The following SMYD3 variants were observed in gnomAD, a reference collection of about 807,000 sequenced individuals.
The protein encoded by SMYD3 is histone-lysine N-methyltransferase SMYD3.
SMYD3 carries 36 observed loss-of-function variants against 57.7 expected under a neutral mutation model. The observed-to-expected ratio is 0.62, with a 90% CI of 0.48 to 0.82. The LOEUF is 0.82. SMYD3 is among the 40% of genes least tolerant of loss of function. The pLI is 0.00. For missense variants in SMYD3, 515 were observed against 538.8 expected (o/e 0.96, Z 0.44); for synonymous variants, 211 against 195.0 (o/e 1.08, Z -0.68).
chr1:245,863,006 T>C (rs1181198978), intron 9 of SMYD3, among the ~76,000 whole-genome samples: 1 of 152,212 alleles, frequency 6.6e-6, no homozygotes, highest in Non-Finnish European at 1.5e-5. Context: ...ACTCTTTAAA[T>C]AGCATCGTCA....
chr1:245,916,361 G>C (rs4333824), intron 7 of SMYD3, among the ~76,000 whole-genome samples: 150,301 of 152,292 alleles, frequency 0.99, 74,206 homozygotes, highest in Middle Eastern at 1. Context: ...ATTAAGTCAC[G>C]GGTCTTTAGG....
chr1:246,067,247 T>C (rs1278005240), intron 5 of SMYD3, among the ~76,000 whole-genome samples: 1 of 152,226 alleles, frequency 6.6e-6, no homozygotes, highest in African/African-American at 2.4e-5. Flanking sequence ...GTTTACCTAT[T>C]TCCAAATTTG....
chr1:246,444,003 T>C (rs1350883302), intron 1 of SMYD3, among the ~76,000 whole-genome samples: 1 of 152,186 alleles, frequency 6.6e-6, no homozygotes, highest in Middle Eastern at 3.2e-3. Flanking sequence ...ATCAACTTGA[T>C]TCTAAAAGAA....
chr1:245,828,105 T>C (rs1021504603), intron 10 of SMYD3, among the ~76,000 whole-genome samples: 6 of 152,188 alleles, frequency 3.9e-5, no homozygotes, highest in African/African-American at 1.4e-4. Flanking sequence ...TAAAAAGCAA[T>C]GCAAATTCCT....
intron 5 of SMYD3, among the ~76,000 whole-genome samples, chr1:246,099,819 A>T (rs546783480): frequency 3.9e-5 from 6 of 152,316 alleles, no homozygotes; most frequent in African/African-American, 1.4e-4. Context: ...CCTCATCAGA[A>T]ATCCAAAGCC....
chr1:246,063,088 C>A (rs556486384), intron 5 of SMYD3, among the ~76,000 whole-genome samples: 1 of 152,156 alleles, frequency 6.6e-6, no homozygotes, highest in Non-Finnish European at 1.5e-5. Context: ...ACTAGGCAGA[C>A]TCTCAGGGCT....
intron 5 of SMYD3, among the ~76,000 whole-genome samples, chr1:246,212,806 T>C (rs1320879755): frequency 1.3e-5 from 2 of 152,134 alleles, no homozygotes; most frequent in Non-Finnish European, 2.9e-5. Context: ...ATAGCTGTAA[T>C]GAAAGCATAA....
chr1:245,787,457 T>C (rs977678545), intron 10 of SMYD3, among the ~76,000 whole-genome samples: 2 of 152,166 alleles, frequency 1.3e-5, no homozygotes, highest in Admixed American at 1.3e-4. Flanking sequence ...CCATCCCTCT[T>C]AGTTCTGACA....
intron 5 of SMYD3, among the ~76,000 whole-genome samples, chr1:245,967,589 G>C (rs931759609): frequency 6.6e-6 from 1 of 152,186 alleles, no homozygotes; most frequent in East Asian, 1.9e-4. Context: ...GATTACTTCC[G>C]GTGTCTACCT....
chr1:246,023,034 G>A (rs762328920), intron 5 of SMYD3, among the ~76,000 whole-genome samples: 5 of 152,188 alleles, frequency 3.3e-5, no homozygotes, highest in South Asian at 2.1e-4. Flanking sequence ...GTATACCACC[G>A]AACTTCTCTA....
intron 5 of SMYD3, among the ~76,000 whole-genome samples, chr1:246,231,637 C>T (rs1158141855): frequency 6.6e-6 from 1 of 152,146 alleles, no homozygotes; most frequent in Non-Finnish European, 1.5e-5. Context: ...TTCATAATAT[C>T]CTAGAGATAG....
intron 5 of SMYD3, among the ~76,000 whole-genome samples, chr1:246,281,465 T>C (rs2064440463): frequency 6.6e-6 from 1 of 152,182 alleles, no homozygotes; most frequent in Non-Finnish European, 1.5e-5. Context: ...GTATCATGGG[T>C]GAGTAAAGCT....
At chr1:246,282,540 A>G (rs1247841524) in intron 5 of SMYD3, among the ~76,000 whole-genome samples, 2 of 88,038 alleles carry the variant, frequency 2.3e-5, no homozygotes, top group African/African-American at 7.9e-5. Context: ...AAATAAAATT[A>G]TTTGTTCCAA....
chr1:245,888,484 G>A (rs2053204830), intron 8 of SMYD3, among the ~76,000 whole-genome samples: 1 of 152,064 alleles, frequency 6.6e-6, no homozygotes, highest in Admixed American at 6.5e-5. Flanking sequence ...TACCCACAGT[G>A]CTTTATCAAA....
intron 10 of SMYD3, among the ~76,000 whole-genome samples, chr1:245,779,452 A>G (rs2046746262): frequency 6.6e-6 from 1 of 152,218 alleles, no homozygotes; most frequent in African/African-American, 2.4e-5. Flanking sequence ...CCTTTACCAC[A>G]GGTCAACAGG....
At chr1:245,964,853 C>T (rs552591936) in intron 5 of SMYD3, among the ~76,000 whole-genome samples, 31 of 147,430 alleles carry the variant, frequency 2.1e-4, no homozygotes, top group African/African-American at 7.7e-4. Flanking sequence ...ATGTAACATA[C>T]ATATAATGGG....
chr1:246,224,677 G>A (rs1400424603), intron 5 of SMYD3, among the ~76,000 whole-genome samples: 1 of 151,986 alleles, frequency 6.6e-6, no homozygotes, highest in African/African-American at 2.4e-5. Context: ...TGATTGCTCA[G>A]GCAAGATATG....
At chr1:245,750,559 G>A (rs2147997958) in intron 11 of SMYD3, among the ~76,000 whole-genome samples, 1 of 152,304 alleles carries the variant, frequency 6.6e-6, no homozygotes, top group Admixed American at 6.5e-5. Context: ...TTCTTATGCT[G>A]TGTGCCAATT....
intron 5 of SMYD3, chr1:245,930,163 G>GAAAA: frequency 2.2e-6 from 1 of 453,320 alleles, no homozygotes; most frequent in South Asian, 1.8e-5. Context: ...CCTCCTGGGA[G>GAAAA]AAAAAAAAAA....
Sources: gnomAD v4.1 joint callset for allele counts (sites outside exome capture counted in the v4.1 genomes callset) on GRCh38, gnomAD v4.1.1 for gene constraint, MANE v1.5 for transcripts, NCBI Gene and HGNC (gene_info 2026-07-23, HGNC 2026-07-21) for gene names.